The following MYO5B variants were observed in gnomAD, a reference collection of about 807,000 sequenced individuals.
MYO5B encodes the protein myosin VB.
A neutral mutation model predicts 229.3 loss-of-function variants in MYO5B; 143 were observed. The ratio of observed to expected loss-of-function variants is 0.62; its 90% CI spans 0.54 to 0.72. The LOEUF (loss-of-function observed/expected upper bound fraction) is 0.72. Among genes scored for constraint, MYO5B ranks in the 30% least tolerant of loss-of-function variants. The pLI, the probability that MYO5B is intolerant of heterozygous loss-of-function variation, is 0.00. For missense variants in MYO5B, 2,321 were observed against 2,331.0 expected, an observed-to-expected ratio of 1.00 and a Z score of 0.09; for synonymous variants, 918 against 885.2, an observed-to-expected ratio of 1.04 and a Z score of -0.66.
chr18:50,089,617 T>G (rs535549341), intron 1 of MYO5B, among the ~76,000 whole-genome samples: 2 of 151,384 alleles, frequency 1.3e-5, no homozygotes, highest in African/African-American at 4.9e-5. Context: ...GGTGTGGTGG[T>G]ACCTGCCTGT....
At chr18:49,909,865 T>C (rs2024938874) in intron 18 of MYO5B, among the ~76,000 whole-genome samples, 1 of 152,208 alleles carries the variant, frequency 6.6e-6, no homozygotes, top group South Asian at 2.1e-4. Context: ...ACTTTTTCTT[T>C]AGGCAAGTCA....
intron 14 of MYO5B, among the ~76,000 whole-genome samples, chr18:49,938,472 C>T (rs573846688): frequency 3.3e-5 from 5 of 152,230 alleles, no homozygotes; most frequent in Non-Finnish European, 4.4e-5. Flanking sequence ...GGAAAAGGAA[C>T]ATACAGGCCC....
At chr18:49,932,272 C>T (rs2144201217) in intron 16 of MYO5B, among the ~76,000 whole-genome samples, 1 of 152,338 alleles carries the variant, frequency 6.6e-6, no homozygotes, top group Middle Eastern at 3.4e-3. Flanking sequence ...TGCTGGTCCC[C>T]TCCCCTCACA....
At chr18:49,931,630 C>T (rs1006714985) in intron 16 of MYO5B, among the ~76,000 whole-genome samples, 4 of 152,164 alleles carry the variant, frequency 2.6e-5, no homozygotes, top group Non-Finnish European at 4.4e-5. Flanking sequence ...TGTGGTTGCT[C>T]GGCCACAAGA....
intron 1 of MYO5B, among the ~76,000 whole-genome samples, chr18:50,104,167 T>TTAAAAAAAAA (rs1555659324): frequency 3.0e-5 from 4 of 131,488 alleles, no homozygotes; most frequent in African/African-American, 5.7e-5. Context: ...ACTTGTCTAT[T>TTAAAAAAAAA]AAAAAGAAAA....
At position 49,836,739 on chromosome 18, in the gene MYO5B, G is replaced by A; in HGVS notation, c.5285C>T (p.Ser1762Phe). The A allele has an allele frequency of 6.2e-7, 1 of 1,614,108 alleles. No individual in the cohort carries two copies. Residue 1762 changes from serine (S) to phenylalanine (F), a missense_variant, in exon 38 of 40, where the codon TCC becomes TTC. Physicochemically the swap from Ser to Phe is radical, Grantham distance 155 (BLOSUM62 -2). Coordinates refer to ENST00000285039, the MANE Select transcript of MYO5B (RefSeq NM_001080467.3). Reference protein sequence around the residue: ...KTQEDAEAICSLCTSLSTQQI... With the variant: ...KTQEDAEAICFLCTSLSTQQI... Reference sequence around the variant, plus strand: ...CTGGGTGCTGAGGGAGGTACACAGGGAGCAGATAGCCTCTGCGTCCTCCTG... The same window carrying A: ...CTGGGTGCTGAGGGAGGTACACAGGAAGCAGATAGCCTCTGCGTCCTCCTG...
chr18:49,984,684 C>A lies in MYO5B; in HGVS notation c.946+34G>T, dbSNP rs758736509. On this transcript the variant is annotated intron_variant, in intron 8 of 39. Transcript: ENST00000285039. ...TTCTACCCTCCGTGCCATCAGCCCT[C>A]GGGGCCTGCTTCCCCAACTAAGAAG... 3 of 1,517,716 alleles carry A rather than the reference C, an allele frequency of 2.0e-6. No homozygotes were observed. In the African/African-American group the frequency reaches 4.1e-5, roughly 21 times the overall value. 94.0% of individuals were successfully genotyped at this position (1,517,716 alleles called of 1,614,324 possible). A position where few individuals can be genotyped will look rare whatever the true frequency, so the allele number is the denominator to read the frequency against.
chr18:49,990,540 A>G lies in MYO5B; in HGVS notation c.757-20T>C. On this transcript the variant is annotated intron_variant, in intron 6 of 39. Transcript: ENST00000285039. ...ATCTGCCTGGAGGAGGAAGAAGTGA[A>G]GCAGTTTTAGGGCAGTGACCTCTAA... The G allele has an allele frequency of 6.2e-7, 1 of 1,604,986 alleles. No homozygotes were observed. The highest frequency in any genetic ancestry group is 1.1e-5 in the South Asian group (1 of 90,856).
chr18:50,077,492 CACACACACAA>C (rs1052708999), intron 1 of MYO5B, among the ~76,000 whole-genome samples: 9 of 122,634 alleles, frequency 7.3e-5, no homozygotes, highest in African/African-American at 1.1e-4. Context: ...AAAACACACA[CACACACACAA>C]ACACACACAC....
intron 10 of MYO5B, among the ~76,000 whole-genome samples, chr18:49,974,107 C>G (rs2025718830): frequency 6.6e-6 from 1 of 152,210 alleles, no homozygotes. Context: ...TTGGGAAACT[C>G]CTGGTGTTTT....
intron 1 of MYO5B, among the ~76,000 whole-genome samples, chr18:50,084,442 G>A (rs951085319): frequency 6.6e-6 from 1 of 152,090 alleles, no homozygotes; most frequent in Admixed American, 6.6e-5. Flanking sequence ...AAAACTCATC[G>A]CTGAGGCATC....
chr18:50,054,815 A>G (rs987022862), intron 2 of MYO5B, among the ~76,000 whole-genome samples: 6 of 152,324 alleles, frequency 3.9e-5, no homozygotes, highest in African/African-American at 1.4e-4. Context: ...TAGCACTCCC[A>G]TTTTATAGAT....
At chr18:49,856,594 C>G (rs968287036) in intron 30 of MYO5B, among the ~76,000 whole-genome samples, 1 of 152,222 alleles carries the variant, frequency 6.6e-6, no homozygotes, top group Non-Finnish European at 1.5e-5. Context: ...AGGAGGTCCA[C>G]TAAATGCTAT....
intron 17 of MYO5B, among the ~76,000 whole-genome samples, chr18:49,917,401 C>T (rs2025028885): frequency 6.6e-6 from 1 of 151,698 alleles, no homozygotes; most frequent in African/African-American, 2.4e-5. Flanking sequence ...CATGCAGCAT[C>T]TTTGGATCAT....
chr18:50,057,622 G>A (rs917628010), intron 1 of MYO5B, among the ~76,000 whole-genome samples: 4 of 152,078 alleles, frequency 2.6e-5, no homozygotes, highest in Non-Finnish European at 4.4e-5. Context: ...TATTCTAGGG[G>A]AGTTCATGTA....
intron 33 of MYO5B, among the ~76,000 whole-genome samples, chr18:49,846,725 G>T (rs1295058101): frequency 1.1e-4 from 16 of 152,124 alleles, no homozygotes; most frequent in African/African-American, 3.9e-4. Context: ...TGACTTAAAG[G>T]GAGGTTGTGA....
At chr18:50,119,016 G>A (rs1410263911) in intron 1 of MYO5B, among the ~76,000 whole-genome samples, 5 of 152,146 alleles carry the variant, frequency 3.3e-5, no homozygotes, top group Non-Finnish European at 5.9e-5. Context: ...CTACCTATAA[G>A]ATGTAAATGA....
chr18:50,122,039 AAAGCT>A (rs2032066386), intron 1 of MYO5B, among the ~76,000 whole-genome samples: 1 of 152,204 alleles, frequency 6.6e-6, no homozygotes, highest in Admixed American at 6.5e-5. Context: ...ACCGACCCCC[AAAGCT>A]GCTGCTTTGC....
At chr18:49,965,291 C>A (rs1171314239) in intron 10 of MYO5B, among the ~76,000 whole-genome samples, 1 of 152,210 alleles carries the variant, frequency 6.6e-6, no homozygotes, top group Non-Finnish European at 1.5e-5. Context: ...CAACATTATA[C>A]ACACATTGGC....
Sources: gnomAD v4.1 joint callset for allele counts (sites outside exome capture counted in the v4.1 genomes callset) on GRCh38, gnomAD v4.1.1 for gene constraint, MANE v1.5 for transcripts, NCBI Gene and HGNC (gene_info 2026-07-23, HGNC 2026-07-21) for gene names.